The following ODF2L variants were observed in gnomAD, a reference collection of about 807,000 sequenced individuals.
The protein encoded by ODF2L is outer dense fiber of sperm tails 2 like.
In ODF2L, 76 loss-of-function variants were observed where a neutral mutation model predicts 86.3. The ratio of observed to expected loss-of-function variants is 0.88; its 90% confidence interval spans 0.73 to 1.07. The LOEUF (loss-of-function observed/expected upper bound fraction) is 1.07. Among genes scored for constraint, ODF2L ranks in the 50% least tolerant of loss-of-function variants. The pLI, the probability that ODF2L is intolerant of heterozygous loss-of-function variation, is 0.00. For missense variants in ODF2L, 748 were observed against 717.4 expected (o/e 1.04, Z -0.49); for synonymous variants, 241 against 231.3 (o/e 1.04, Z -0.38).
intron 1 of ODF2L, among the ~76,000 whole-genome samples, chr1:86,391,589 T>C (rs1298579942): frequency 5.3e-5 from 8 of 152,154 alleles, no homozygotes; most frequent in African/African-American, 1.7e-4. Flanking sequence ...GACACCCTAT[T>C]CAACAAATGG....
intron 16 of ODF2L, among the ~76,000 whole-genome samples, chr1:86,353,632 T>C (rs956791001): frequency 1.6e-4 from 24 of 152,156 alleles, no homozygotes; most frequent in African/African-American, 5.5e-4. Flanking sequence ...CAGGGACTGA[T>C]CCAGGAACAA....
chr1:86,387,050 G>A (rs1558062066), exon 2 of ODF2L: 2 of 1,247,574 alleles, frequency 1.6e-6, no homozygotes, highest in Non-Finnish European at 2.2e-6. Context: ...TGGATTTATA[G>A]GTGGCTTCAC....
intron 7 of ODF2L, among the ~76,000 whole-genome samples, chr1:86,379,181 C>G (rs1660395571): frequency 6.6e-6 from 1 of 152,122 alleles, no homozygotes; most frequent in Admixed American, 6.5e-5. Context: ...GCTTCCTATA[C>G]AGCCTGTGGA....
intron 7 of ODF2L, among the ~76,000 whole-genome samples, chr1:86,378,377 C>G (rs1038360256): frequency 6.6e-6 from 1 of 152,212 alleles, no homozygotes; most frequent in Admixed American, 6.5e-5. Context: ...TTCCTGTCTT[C>G]TTCTGAGCTG....
chr1:86,385,386 T>A, intron 3 of ODF2L, 72 bp downstream of exon 3: 1 of 896,592 alleles, frequency 1.1e-6, no homozygotes, highest in South Asian at 1.7e-5. Context: ...ATATAAGATA[T>A]GAGACCTCAG....
intron 1 of ODF2L, among the ~76,000 whole-genome samples, chr1:86,392,256 G>A (rs939951231): frequency 6.6e-6 from 1 of 152,088 alleles, no homozygotes; most frequent in Non-Finnish European, 1.5e-5. Context: ...TAGTACAACC[G>A]CTATGGAAAA....
chr1:86,375,179 A>G (rs1323349704), intron 8 of ODF2L, among the ~76,000 whole-genome samples: 1 of 152,180 alleles, frequency 6.6e-6, no homozygotes, highest in Admixed American at 6.5e-5. Context: ...TAAAAAAAGA[A>G]AGAGCTATTG....
chr1:86,348,600 A>G (rs1343238918), downstream of ODF2L: 4 of 657,480 alleles, frequency 6.1e-6, no homozygotes, highest in East Asian at 1.7e-4. Context: ...CAGTTAGATA[A>G]ATTATGTTTC....
chr1:86,368,684 C>A, exon 11 of ODF2L: 1 of 1,448,486 alleles, frequency 6.9e-7, no homozygotes, highest in South Asian at 1.5e-5. Flanking sequence ...TCAAAATGTT[C>A]ATATTCTTTG....
intron 10 of ODF2L, among the ~76,000 whole-genome samples, chr1:86,369,373 AAAG>A (rs1659648061): frequency 6.6e-6 from 1 of 152,208 alleles, no homozygotes; most frequent in South Asian, 2.1e-4. Context: ...AAAGGTGAGA[AAAG>A]AAGACCTTGC....
chr1:86,394,002 T>A (rs895684924), intron 1 of ODF2L, among the ~76,000 whole-genome samples: 1 of 152,224 alleles, frequency 6.6e-6, no homozygotes, highest in African/African-American at 2.4e-5. Context: ...AAAGTCACCA[T>A]CCTGTACCAG....
At chr1:86,354,561 AGTT>A in exon 16 of ODF2L, 1 of 1,606,108 alleles carries the variant, frequency 6.2e-7, no homozygotes, top group Non-Finnish European at 8.5e-7. Context: ...AGCAGCTTCC[AGTT>A]GTCTGGCCAA....
chr1:86,375,496 C>A (rs1207635641), intron 8 of ODF2L, among the ~76,000 whole-genome samples: 1 of 151,974 alleles, frequency 6.6e-6, no homozygotes, highest in South Asian at 2.1e-4. Context: ...ATTCTATAAG[C>A]CTTAACATAA....
At chr1:86,362,597 T>G (rs895982876) in intron 11 of ODF2L, among the ~76,000 whole-genome samples, 2 of 152,162 alleles carry the variant, frequency 1.3e-5, no homozygotes, top group African/African-American at 4.8e-5. Flanking sequence ...AGGCAGTCAA[T>G]GACCTTCAGT....
chr1:86,347,294 T>C (rs1163774516), downstream of ODF2L: 2 of 152,226 alleles, frequency 1.3e-5, no homozygotes, highest in African/African-American at 2.4e-5. Context: ...GATATTTATA[T>C]GACTAAGATA....
chr1:86,382,512 T>C (rs1449486288), intron 6 of ODF2L, among the ~76,000 whole-genome samples, 154 bp from the exon 7 acceptor site: 2 of 152,036 alleles, frequency 1.3e-5, no homozygotes, highest in African/African-American at 2.4e-5. Context: ...CTATTACAAA[T>C]GTATTTCATG....
intron 14 of ODF2L, among the ~76,000 whole-genome samples, chr1:86,356,238 A>G (rs1658551382): frequency 1.3e-5 from 2 of 152,328 alleles, no homozygotes; most frequent in South Asian, 4.1e-4. Context: ...TAAAATAAGA[A>G]TTTTAATTAC....
At chr1:86,364,415 G>A (rs1213804371) in intron 11 of ODF2L, among the ~76,000 whole-genome samples, 1 of 152,170 alleles carries the variant, frequency 6.6e-6, no homozygotes, top group Non-Finnish European at 1.5e-5. Context: ...GGAAAGGTAG[G>A]ATTTAGATAC....
At chr1:86,376,388 G>C (rs765650735) in exon 8 of ODF2L, 1 of 1,598,372 alleles carries the variant, frequency 6.3e-7, no homozygotes, top group Non-Finnish European at 8.5e-7. Flanking sequence ...CTTGATTGCA[G>C]GTTCCACTTG....
Sources: gnomAD v4.1 joint callset for allele counts (sites outside exome capture counted in the v4.1 genomes callset) on GRCh38, gnomAD v4.1.1 for gene constraint, MANE v1.5 for transcripts, NCBI Gene and HGNC (gene_info 2026-07-23, HGNC 2026-07-21) for gene names.